CLASP1: variants seen among roughly 807,000 people sequenced by gnomAD.
CLASP1 encodes CLIP-associating protein 1.
In CLASP1, 38 loss-of-function variants were observed where a neutral mutation model predicts 192.3. The observed-to-expected ratio is 0.20, with a 90% CI of 0.15 to 0.26. The LOEUF is 0.26. CLASP1 is among the 10% of genes least tolerant of loss of function. The probability of loss-of-function intolerance (pLI) is 1.00; values close to 1 mark genes in which losing one functional copy is unlikely to be tolerated. For synonymous variants in CLASP1, 691 were observed against 712.8 expected (o/e 0.97, Z 0.49); for missense variants, 1,433 against 1,932.5 (o/e 0.74, Z 4.85).
Position 121,387,197 on chromosome 2 carries a change from G to A in CLASP1, c.3299C>T (p.Pro1100Leu), listed in dbSNP as rs749549765. Residue 1100 changes from proline (P) to leucine (L), a missense_variant, in exon 32 of 40, where the codon CCC (proline) becomes CTC (leucine). By Grantham distance (98) the Pro-to-Leu change is moderately conservative (BLOSUM62 -3). Coordinates refer to ENST00000263710, the Ensembl canonical transcript of CLASP1. ...GGTCCTGCTGCTGGTGTGTCGGGAG[G>A]GCGTCCGGCCAATCGTATTGCTTGG... 33 of 1,609,398 alleles carry A rather than the reference G, an allele frequency of 2.1e-5. No homozygotes were observed. The East Asian group carries it at 7.1e-4, about 35-fold the overall frequency.
intron 1 of CLASP1, among the ~76,000 whole-genome samples, chr2:121,625,544 C>A (rs2068169808): frequency 6.7e-6 from 1 of 150,030 alleles, no homozygotes; most frequent in Non-Finnish European, 1.5e-5. Context: ...AAGCGATTCT[C>A]CTGCCTCAGC....
At chr2:121,513,301 T>TGG (rs1335482454) in intron 7 of CLASP1, among the ~76,000 whole-genome samples, 4 of 152,228 alleles carry the variant, frequency 2.6e-5, no homozygotes, top group Admixed American at 2.0e-4. Context: ...GTGAAGGGTG[T>TGG]GGGTCCATTT....
At chr2:121,511,524 G>A (rs1559479361) in intron 7 of CLASP1, among the ~76,000 whole-genome samples, 1 of 151,638 alleles carries the variant, frequency 6.6e-6, no homozygotes, top group African/African-American at 2.4e-5. Flanking sequence ...GGAGGTGGAG[G>A]TTGCAGTGAG....
chr2:121,492,744 G>A (rs568194586), intron 8 of CLASP1, among the ~76,000 whole-genome samples: 1 of 151,758 alleles, frequency 6.6e-6, no homozygotes, highest in East Asian at 1.9e-4. Context: ...ATATAAAATG[G>A]TGCAGCCACT....
chr2:121,516,794 C>G (rs538646507), intron 6 of CLASP1, among the ~76,000 whole-genome samples: 146 of 151,512 alleles, frequency 9.6e-4, no homozygotes, highest in Non-Finnish European at 1.8e-3. Context: ...TTTGGGAGGC[C>G]GAAGCGGGCA....
chr2:121,413,155 G>A (rs964442915), intron 23 of CLASP1, among the ~76,000 whole-genome samples: 1 of 152,096 alleles, frequency 6.6e-6, no homozygotes, highest in Admixed American at 6.6e-5. Context: ...AGCTACTTGG[G>A]GGGCTGAGGT....
intron 8 of CLASP1, among the ~76,000 whole-genome samples, chr2:121,497,840 C>T (rs1264713306): frequency 1.3e-5 from 2 of 152,130 alleles, no homozygotes; most frequent in Non-Finnish European, 2.9e-5. Flanking sequence ...CTGCCCCAGC[C>T]TCCCGAATAG....
At chr2:121,377,502 A>G (rs2070531666) in exon 34 of CLASP1, 1 of 1,602,724 alleles carries the variant, frequency 6.2e-7, no homozygotes, top group African/African-American at 1.3e-5. Flanking sequence ...TACTTACAAT[A>G]TCACACTCCT....
At chr2:121,470,739 T>G (rs925471997) in intron 8 of CLASP1, 1 of 406,856 alleles carries the variant, frequency 2.5e-6, no homozygotes, top group Non-Finnish European at 4.8e-6. Flanking sequence ...AAGTTCTTGA[T>G]GTATAGTGCC....
chr2:121,535,430 C>T (rs1195378682), intron 2 of CLASP1, among the ~76,000 whole-genome samples: 1 of 152,092 alleles, frequency 6.6e-6, no homozygotes, highest in Admixed American at 6.5e-5. Context: ...ATACTCAATG[C>T]ATGGGCTCTT....
At chr2:121,524,198 T>C (rs78920477) in intron 6 of CLASP1, among the ~76,000 whole-genome samples, 1 of 152,254 alleles carries the variant, frequency 6.6e-6, no homozygotes, top group East Asian at 1.9e-4. Context: ...CCTCAGCAAG[T>C]TGGCTTTTCT....
At chr2:121,506,100 A>T (rs2093941029) in intron 7 of CLASP1, among the ~76,000 whole-genome samples, 1 of 152,210 alleles carries the variant, frequency 6.6e-6, no homozygotes, top group Admixed American at 6.5e-5. Context: ...ATAAAACAGG[A>T]GAGTAGCACT....
At chr2:121,383,857 G>C (rs1463775650) in intron 32 of CLASP1, among the ~76,000 whole-genome samples, 1 of 151,422 alleles carries the variant, frequency 6.6e-6, no homozygotes, top group Non-Finnish European at 1.5e-5. Flanking sequence ...TTGTGTATTA[G>C]CTGGTAATAG....
intron 8 of CLASP1, chr2:121,470,623 T>G (rs1346085027): frequency 2.2e-6 from 1 of 448,294 alleles, no homozygotes; most frequent in Non-Finnish European, 4.4e-6. Context: ...CCATTAGAAA[T>G]GCAATATTGC....
At chr2:121,601,144 G>A (rs1576371991) in intron 2 of CLASP1, among the ~76,000 whole-genome samples, 1 of 152,110 alleles carries the variant, frequency 6.6e-6, no homozygotes, top group Non-Finnish European at 1.5e-5. Flanking sequence ...TAAGTCAGAA[G>A]CATCCTAATA....
rs1354138188 is a variant in CLASP1 at position 121,459,960 on chromosome 2, T to C, written c.1178+20A>G. ...GTGACACTATTTTATGGTGAGAATA[T>C]GGAGCATCGCAGTCCTTACCCCAAC... On this transcript the variant is annotated intron_variant, in intron 12 of 39. Coordinates refer to ENST00000263710, the Ensembl canonical transcript of CLASP1. The C allele has an allele frequency of 1.2e-6, 2 of 1,601,258 alleles. No homozygotes were observed. The highest frequency in any genetic ancestry group is 1.1e-5 in the South Asian group (1 of 89,826).
intron 19 of CLASP1, among the ~76,000 whole-genome samples, chr2:121,439,419 T>C (rs866084597): frequency 2.6e-5 from 4 of 151,874 alleles, no homozygotes; most frequent in Admixed American, 6.6e-5. Flanking sequence ...ATTGTGATGT[T>C]AGGGTGTCAA....
chr2:121,419,062 C>T lies in CLASP1; in HGVS notation c.2213-333G>A, dbSNP rs115246001. On this transcript the variant is annotated intron_variant, in intron 22 of 39. Coordinates refer to ENST00000263710, the Ensembl canonical transcript of CLASP1. Reference sequence around the variant, plus strand: ...TACAAGATCAAAAGCCTTTTAGAAACGATCAGTTTTTATGAGCTTAGCAAA... The same window carrying T: ...TACAAGATCAAAAGCCTTTTAGAAATGATCAGTTTTTATGAGCTTAGCAAA... Among the ~76,000 whole-genome samples the T allele has an allele frequency of 4.9e-3, 749 of 152,252 alleles. 9 individuals carry two copies. Among genetic ancestry groups the T allele is most frequent in the African/African-American group, 0.017 (725 of 41,544 alleles).
At chr2:121,371,388 C>T (rs1403983454) in intron 34 of CLASP1, among the ~76,000 whole-genome samples, 7 of 151,804 alleles carry the variant, frequency 4.6e-5, no homozygotes, top group Admixed American at 3.9e-4. Flanking sequence ...CACACCACCA[C>T]ATCTAGATAA....
Sources: allele counts gnomAD v4.1 joint callset (sites outside exome capture counted in the v4.1 genomes callset), GRCh38; gene constraint gnomAD v4.1.1; transcripts MANE v1.5; gene names NCBI Gene and HGNC (gene_info 2026-07-23, HGNC 2026-07-21).